GRK5: variants seen among roughly 807,000 people sequenced by gnomAD.
GRK5 encodes G protein-coupled receptor kinase 5.
GRK5 carries 40 observed loss-of-function variants against 78.4 expected under a neutral mutation model. The observed-to-expected ratio is 0.51, with a 90% CI of 0.40 to 0.66. The LOEUF (loss-of-function observed/expected upper bound fraction) is 0.66, where lower values mean the gene tolerates loss of function less well. GRK5 is among the 30% of genes least tolerant of loss of function. The probability of loss-of-function intolerance (pLI) is 0.00; values close to 1 mark genes in which losing one functional copy is unlikely to be tolerated. For missense variants in GRK5, 598 were observed against 759.9 expected (o/e 0.79, Z 2.50); for synonymous variants, 289 against 296.8 (o/e 0.97, Z 0.27).
intron 8 of GRK5, 104 bp from the exon 9 acceptor site, chr10:119,436,547 C>A: frequency 8.9e-7 from 1 of 1,129,754 alleles, no homozygotes; most frequent in Non-Finnish European, 1.3e-6. Flanking sequence ...CAGGGTGAGG[C>A]TCCTCTGTTC....
At chr10:119,319,039 T>C (rs1311350355) in intron 1 of GRK5, among the ~76,000 whole-genome samples, 4 of 152,236 alleles carry the variant, frequency 2.6e-5, no homozygotes, top group African/African-American at 9.6e-5. Flanking sequence ...ATTACTTGGC[T>C]TCTGCCTTCC....
chr10:119,320,364 G>C (rs1217950414), intron 1 of GRK5, among the ~76,000 whole-genome samples: 2 of 152,250 alleles, frequency 1.3e-5, no homozygotes, highest in Non-Finnish European at 2.9e-5. Flanking sequence ...GAAGATTTCA[G>C]GTGGTGATGA....
chr10:119,446,141 C>T (rs922118955), intron 12 of GRK5, among the ~76,000 whole-genome samples: 1 of 152,152 alleles, frequency 6.6e-6, no homozygotes, highest in African/African-American at 2.4e-5. Flanking sequence ...CTGCCTGCCC[C>T]ACCCATCCCA....
chr10:119,423,253 T>G lies in GRK5; in HGVS notation c.427T>G (p.Ser143Ala), dbSNP rs188222479. 2 of 1,613,462 alleles carry G rather than the reference T, an allele frequency of 1.2e-6. No individual in the cohort carries two copies. Among genetic ancestry groups the G allele is most frequent in the African/African-American group, 2.7e-5 (2 of 75,048 alleles). ...LLQKPCKELFSACAQSVHEYL... is the reference protein window; with the variant it reads ...LLQKPCKELFAACAQSVHEYL... ...ACAGAAGCCGTGCAAAGAACTCTTT[T>G]CTGCCTGTGCACAGTAAGTGCCGTA... Residue 143 changes from serine (S) to alanine (A), a missense_variant, in exon 5 of 16, where the codon TCT becomes GCT. By Grantham distance (99) the Ser-to-Ala change is moderately conservative. Coordinates refer to ENST00000392870, the MANE Select transcript of GRK5 (RefSeq NM_005308.3).
At chr10:119,337,077 T>A (rs1447847623) in intron 2 of GRK5, among the ~76,000 whole-genome samples, 1 of 152,058 alleles carries the variant, frequency 6.6e-6, no homozygotes, top group East Asian at 1.9e-4. Flanking sequence ...GAGTTGTGGT[T>A]TTCAAAGACT....
intron 13 of GRK5, among the ~76,000 whole-genome samples, chr10:119,451,479 A>G (rs1853284030): frequency 6.6e-6 from 1 of 152,028 alleles, no homozygotes; most frequent in Non-Finnish European, 1.5e-5. Context: ...CTCTGTTGCC[A>G]TCTTAAAATT....
At chr10:119,366,507 G>C (rs1436020124) in intron 2 of GRK5, among the ~76,000 whole-genome samples, 1 of 152,160 alleles carries the variant, frequency 6.6e-6, no homozygotes, top group Non-Finnish European at 1.5e-5. Context: ...GGGCAGGAGG[G>C]GGGCAGCTAC....
chr10:119,419,368 C>T (rs1040452274), intron 4 of GRK5, among the ~76,000 whole-genome samples: 1 of 152,242 alleles, frequency 6.6e-6, no homozygotes, highest in Non-Finnish European at 1.5e-5. Flanking sequence ...CCTCTGGTTC[C>T]ATTGATGCAA....
intron 1 of GRK5, among the ~76,000 whole-genome samples, chr10:119,298,922 T>A (rs770891496): frequency 6.6e-6 from 1 of 152,154 alleles, no homozygotes; most frequent in Admixed American, 6.5e-5. Flanking sequence ...TGACTCTCCC[T>A]GCAGACTTTC....
chr10:119,365,277 AATTG>A (rs1337703063), intron 2 of GRK5, among the ~76,000 whole-genome samples: 7 of 152,242 alleles, frequency 4.6e-5, no homozygotes, highest in South Asian at 2.1e-4. Flanking sequence ...CATGCTGACA[AATTG>A]ATTGTGCTCT....
intron 13 of GRK5, among the ~76,000 whole-genome samples, chr10:119,450,446 G>C (rs1044834056): frequency 1.3e-5 from 2 of 152,190 alleles, no homozygotes; most frequent in African/African-American, 2.4e-5. Context: ...AATAGAAGTA[G>C]AAATACGAGT....
intron 4 of GRK5, among the ~76,000 whole-genome samples, chr10:119,420,712 G>A (rs977882412): frequency 2.0e-5 from 3 of 151,940 alleles, no homozygotes; most frequent in East Asian, 1.9e-4. Context: ...CCAAGTAGCC[G>A]AGACTACAGG....
intron 4 of GRK5, among the ~76,000 whole-genome samples, chr10:119,420,134 C>T (rs1280726125): frequency 6.6e-6 from 1 of 152,102 alleles, no homozygotes; most frequent in African/African-American, 2.4e-5. Context: ...ACCTCGGTTT[C>T]CTCATCTGCA....
chr10:119,439,718 T>G lies in GRK5; in HGVS notation c.930-13T>G. 6.2e-7 allele frequency: 1 copy of G among 1,613,942 alleles called. No individual in the cohort carries two copies. ...AATGCCCACACTCTGATGCTTGTTG[T>G]TTTTCCTTTCAGAGATCTGAAACCT... On this transcript the variant is annotated splice_polypyrimidine_tract_variant and intron_variant, in intron 9 of 15. Transcript: ENST00000392870.
At chr10:119,354,591 G>A (rs1028620747) in intron 2 of GRK5, among the ~76,000 whole-genome samples, 8 of 151,934 alleles carry the variant, frequency 5.3e-5, no homozygotes, top group African/African-American at 1.7e-4. Flanking sequence ...TTGTAGAGAC[G>A]GGGTTTTGCC....
chr10:119,302,691 A>G (rs1213742005), intron 1 of GRK5, among the ~76,000 whole-genome samples: 1 of 152,154 alleles, frequency 6.6e-6, no homozygotes, highest in Non-Finnish European at 1.5e-5. Flanking sequence ...AAATGTAAAT[A>G]CTTCTTGGGG....
chr10:119,454,600 G>GCTGCTC (rs916698868), intron 15 of GRK5, among the ~76,000 whole-genome samples: 14 of 152,342 alleles, frequency 9.2e-5, no homozygotes, highest in African/African-American at 3.4e-4. Flanking sequence ...CTGTGCGGAA[G>GCTGCTC]CTGCTCTTCT....
intron 1 of GRK5, 118 bp downstream of exon 1, chr10:119,208,087 C>T: frequency 1.1e-6 from 1 of 920,356 alleles, no homozygotes; most frequent in Non-Finnish European, 1.6e-6. Context: ...GCGAGTGGGT[C>T]GCGAGCAGGA....
chr10:119,310,605 A>G (rs1417073644), intron 1 of GRK5, among the ~76,000 whole-genome samples: 1 of 152,214 alleles, frequency 6.6e-6, no homozygotes, highest in Admixed American at 6.5e-5. Flanking sequence ...GACATTTTTA[A>G]GAAGATCAAT....
Sources: gnomAD v4.1 joint callset for allele counts (sites outside exome capture counted in the v4.1 genomes callset) on GRCh38, gnomAD v4.1.1 for gene constraint, MANE v1.5 for transcripts, NCBI Gene and HGNC (gene_info 2026-07-23, HGNC 2026-07-21) for gene names.